Variants in VMP1 observed in about 807,000 individuals in gnomAD.
VMP1 encodes vacuole membrane protein 1, also known as ectopic P-granules autophagy protein 3 homolog.
Under a neutral mutation model 56.0 loss-of-function variants are expected in VMP1, and 11 were observed. That is an observed-to-expected ratio of 0.20 (90% confidence interval 0.12 to 0.32). VMP1 has a LOEUF of 0.32. Among genes scored for constraint, VMP1 ranks in the 10% least tolerant of loss-of-function variants. VMP1 has a pLI of 1.00. For missense variants in VMP1, 296 were observed against 490.3 expected, an observed-to-expected ratio of 0.60 and a Z score of 3.74; for synonymous variants, 149 against 165.0, an observed-to-expected ratio of 0.90 and a Z score of 0.74.
At chr17:59,796,466 C>G (rs1447681857) in intron 7 of VMP1, among the ~76,000 whole-genome samples, 4 of 152,112 alleles carry the variant, frequency 2.6e-5, no homozygotes, top group African/African-American at 9.7e-5. Context: ...TCTTTATTAC[C>G]TTGCACATAG....
At chr17:59,744,259 G>C (rs796688278) in intron 5 of VMP1, among the ~76,000 whole-genome samples, 4 of 151,374 alleles carry the variant, frequency 2.6e-5, no homozygotes, top group Admixed American at 6.6e-5. Flanking sequence ...TCAGGAATTT[G>C]AGACCAGCCT....
intron 3 of VMP1, among the ~76,000 whole-genome samples, chr17:59,736,148 C>G (rs557794260): frequency 6.6e-6 from 1 of 152,022 alleles, no homozygotes; most frequent in Non-Finnish European, 1.5e-5. Context: ...CGTGGTGGCT[C>G]ACACCTATAA....
chr17:59,835,810 A>G (rs1249652699), intron 10 of VMP1, among the ~76,000 whole-genome samples: 2 of 149,832 alleles, frequency 1.3e-5, no homozygotes, highest in Non-Finnish European at 3.0e-5. Context: ...GCAGTTTTCA[A>G]AGTCAACCTT....
intron 4 of VMP1, among the ~76,000 whole-genome samples, chr17:59,738,095 G>T (rs1431303329): frequency 6.6e-6 from 1 of 152,044 alleles, no homozygotes; most frequent in Non-Finnish European, 1.5e-5. Flanking sequence ...TTTCCTGAAG[G>T]TTTTCCGTCA....
chr17:59,724,792 C>A (rs1362384416), intron 1 of VMP1, among the ~76,000 whole-genome samples: 3 of 151,788 alleles, frequency 2.0e-5, no homozygotes, highest in Admixed American at 6.6e-5. Context: ...AGTGAAACCA[C>A]GTCTCTACTA....
At chr17:59,772,629 C>T (rs1216533776) in intron 6 of VMP1, among the ~76,000 whole-genome samples, 1 of 151,686 alleles carries the variant, frequency 6.6e-6, no homozygotes, top group African/African-American at 2.4e-5. Flanking sequence ...ATTAGCCAGA[C>T]GTGGTGGCAC....
chr17:59,826,174 CTTCTT>C (rs2038640450), intron 10 of VMP1, among the ~76,000 whole-genome samples: 1 of 152,194 alleles, frequency 6.6e-6, no homozygotes, highest in Non-Finnish European at 1.5e-5. Flanking sequence ...ACCCCTTTCT[CTTCTT>C]GTCCGTGGTA....
chr17:59,820,653 G>T (rs904391845), intron 10 of VMP1, among the ~76,000 whole-genome samples: 1 of 152,184 alleles, frequency 6.6e-6, no homozygotes, highest in African/African-American at 2.4e-5. Flanking sequence ...ATGTTTGTAG[G>T]AGTGTGTGAT....
At chr17:59,820,965 C>CTTTTTTT (rs201428600) in intron 10 of VMP1, among the ~76,000 whole-genome samples, 6 of 146,634 alleles carry the variant, frequency 4.1e-5, no homozygotes, top group Admixed American at 6.8e-5. Flanking sequence ...GTCTTTCTTT[C>CTTTTTTT]TTTTTTTTGT....
At position 59,735,329 on chromosome 17, in the gene VMP1, G is replaced by GT; in HGVS notation, c.77-4dup. On this transcript the variant is annotated splice_polypyrimidine_tract_variant and intron_variant, in intron 2 of 11. Transcript: ENST00000262291. ...ATTCTGTTTTAATCTCTGCACTATT[G>GT]TTTTTCAGACCCCTCTTCAGTGAAT... 2 of 1,613,532 alleles carry GT rather than the reference G, an allele frequency of 1.2e-6. No individual in the cohort carries two copies. Among genetic ancestry groups the GT allele is most frequent in the Non-Finnish European group, 1.7e-6 (2 of 1,179,748 alleles).
intron 6 of VMP1, among the ~76,000 whole-genome samples, chr17:59,767,053 T>C (rs1241179926): frequency 1.3e-5 from 2 of 152,086 alleles, no homozygotes. Context: ...CACCCAGCCC[T>C]GTATGCCTAA....
At chr17:59,771,091 T>C (rs2036407246) in intron 6 of VMP1, among the ~76,000 whole-genome samples, 2 of 152,034 alleles carry the variant, frequency 1.3e-5, no homozygotes, top group African/African-American at 4.8e-5. Flanking sequence ...ATTAGCACCA[T>C]GGATGATTTT....
At chr17:59,776,069 G>A (rs556084701) in intron 7 of VMP1, among the ~76,000 whole-genome samples, 1 of 152,154 alleles carries the variant, frequency 6.6e-6, no homozygotes, top group African/African-American at 2.4e-5. Flanking sequence ...AAAATTAGCT[G>A]TATAGGGTGG....
At chr17:59,802,659 G>C (rs1408821798) in intron 7 of VMP1, among the ~76,000 whole-genome samples, 1 of 152,034 alleles carries the variant, frequency 6.6e-6, no homozygotes, top group African/African-American at 2.4e-5. Flanking sequence ...TCCGCCTCCC[G>C]GGTTCAAGCG....
At chr17:59,762,549 G>A (rs76151565) in intron 5 of VMP1, among the ~76,000 whole-genome samples, 5,620 of 152,140 alleles carry the variant, frequency 0.037, 373 homozygotes, top group African/African-American at 0.13. Flanking sequence ...AAGCTAAAAT[G>A]TTGAATAGAA....
intron 1 of VMP1, among the ~76,000 whole-genome samples, chr17:59,719,542 AAATGAAAATC>A (rs1341442918): frequency 6.6e-6 from 1 of 152,144 alleles, no homozygotes; most frequent in Non-Finnish European, 1.5e-5. Context: ...GTTGCCAAGA[AAATGAAAATC>A]AATGGTTTTG....
At chr17:59,829,117 AAAAAC>A (rs749233751) in intron 10 of VMP1, among the ~76,000 whole-genome samples, 4 of 152,190 alleles carry the variant, frequency 2.6e-5, no homozygotes, top group Non-Finnish European at 5.9e-5. Context: ...CTCCGTCTCC[AAAAAC>A]AAAACAAAAC....
At chr17:59,754,625 C>T (rs1315018682) in intron 5 of VMP1, among the ~76,000 whole-genome samples, 1 of 152,150 alleles carries the variant, frequency 6.6e-6, no homozygotes, top group East Asian at 1.9e-4. Flanking sequence ...ATACCAGATG[C>T]TTATAACTAT....
At chr17:59,772,885 A>G (rs188169009) in intron 6 of VMP1, among the ~76,000 whole-genome samples, 1 of 151,316 alleles carries the variant, frequency 6.6e-6, no homozygotes, top group Non-Finnish European at 1.5e-5. Context: ...TTTAAATTAA[A>G]GCAACTTCTG....
Sources: gnomAD v4.1 joint callset for allele counts (sites outside exome capture counted in the v4.1 genomes callset) on GRCh38, gnomAD v4.1.1 for gene constraint, MANE v1.5 for transcripts, NCBI Gene and HGNC (gene_info 2026-07-23, HGNC 2026-07-21) for gene names.